B3GLCT: variants seen among roughly 807,000 people sequenced by gnomAD.
B3GLCT encodes the protein beta-1,3-glucosyltransferase.
B3GLCT carries 65 observed loss-of-function variants against 63.4 expected under a neutral mutation model. The observed-to-expected ratio is 1.03, with a 90% CI of 0.84 to 1.26. B3GLCT has a LOEUF of 1.26. Ranked by LOEUF, B3GLCT falls within the 50% of genes most tolerant of loss-of-function variation. The pLI is 0.00. For synonymous variants in B3GLCT, 233 were observed against 219.2 expected (o/e 1.06, Z -0.55); for missense variants, 577 against 604.8 (o/e 0.95, Z 0.48).
intron 6 of B3GLCT, among the ~76,000 whole-genome samples, chr13:31,249,863 C>G (rs1415942406): frequency 6.6e-6 from 1 of 152,050 alleles, no homozygotes; most frequent in Non-Finnish European, 1.5e-5. Flanking sequence ...ATAAAGCAAA[C>G]CTGGCTTTGA....
chr13:31,291,782 C>T (rs1302895721), intron 12 of B3GLCT, among the ~76,000 whole-genome samples: 4 of 152,198 alleles, frequency 2.6e-5, no homozygotes, highest in Non-Finnish European at 5.9e-5. Flanking sequence ...CTGACTTCCT[C>T]TCTTCCTATT....
At chr13:31,215,495 C>T (rs1869514244) in intron 2 of B3GLCT, among the ~76,000 whole-genome samples, 1 of 152,112 alleles carries the variant, frequency 6.6e-6, no homozygotes, top group Non-Finnish European at 1.5e-5. Flanking sequence ...ATCACTGCAA[C>T]CTCTGCCTCC....
chr13:31,294,709 T>G (rs942776296), intron 12 of B3GLCT, among the ~76,000 whole-genome samples: 7 of 152,094 alleles, frequency 4.6e-5, no homozygotes, highest in African/African-American at 7.2e-5. Context: ...GCAATTCGTC[T>G]AACCTTTTTT....
chr13:31,250,267 A>T (rs1871368648), intron 6 of B3GLCT, among the ~76,000 whole-genome samples: 1 of 152,094 alleles, frequency 6.6e-6, no homozygotes, highest in Non-Finnish European at 1.5e-5. Context: ...TCCACCTCCC[A>T]GGTTCAATCA....
intron 12 of B3GLCT, among the ~76,000 whole-genome samples, chr13:31,292,930 T>A (rs1287806403): frequency 6.6e-6 from 1 of 152,176 alleles, no homozygotes; most frequent in Non-Finnish European, 1.5e-5. Context: ...TTTCTCACCC[T>A]CTCCTGTGGG....
At chr13:31,225,464 A>G (rs758181704) in intron 3 of B3GLCT, among the ~76,000 whole-genome samples, 3 of 152,214 alleles carry the variant, frequency 2.0e-5, no homozygotes, top group Non-Finnish European at 4.4e-5. Context: ...TGGTACTGCT[A>G]TAAAGAACAG....
chr13:31,298,524 A>C (rs1874068510), intron 12 of B3GLCT, among the ~76,000 whole-genome samples: 1 of 152,208 alleles, frequency 6.6e-6, no homozygotes. Flanking sequence ...AGACAATGTC[A>C]TCTGTTTCTC....
intron 13 of B3GLCT, among the ~76,000 whole-genome samples, chr13:31,318,162 G>A (rs1875150314): frequency 6.6e-6 from 1 of 152,136 alleles, no homozygotes; most frequent in South Asian, 2.1e-4. Flanking sequence ...TTTAAATGAA[G>A]CATCTGCCTA....
intron 12 of B3GLCT, among the ~76,000 whole-genome samples, chr13:31,296,222 T>C (rs1873935465): frequency 1.3e-5 from 2 of 152,250 alleles, no homozygotes; most frequent in Non-Finnish European, 2.9e-5. Context: ...TGCATTGATC[T>C]CACTGGGAGC....
intron 4 of B3GLCT, 87 bp downstream of exon 4, chr13:31,229,381 A>G: frequency 1.2e-6 from 1 of 837,596 alleles, no homozygotes; most frequent in South Asian, 1.4e-5. Flanking sequence ...GTGGAGAATC[A>G]GTTTTTATTT....
At chr13:31,266,630 C>T (rs1164892608) in intron 7 of B3GLCT, among the ~76,000 whole-genome samples, 3 of 152,116 alleles carry the variant, frequency 2.0e-5, no homozygotes, top group African/African-American at 4.8e-5. Flanking sequence ...TGAGATGGCA[C>T]GTGAGGCTAA....
chr13:31,234,619 G>C (rs977837452), intron 4 of B3GLCT, among the ~76,000 whole-genome samples: 1 of 152,120 alleles, frequency 6.6e-6, no homozygotes, highest in Non-Finnish European at 1.5e-5. Flanking sequence ...CCAGCGGATG[G>C]GGGGTGGCAG....
At chr13:31,325,282 T>A (rs1253281871) in intron 14 of B3GLCT, among the ~76,000 whole-genome samples, 2 of 152,206 alleles carry the variant, frequency 1.3e-5, no homozygotes, top group Non-Finnish European at 2.9e-5. Flanking sequence ...TCTTACCCAC[T>A]TTAAGCCTGT....
intron 12 of B3GLCT, among the ~76,000 whole-genome samples, chr13:31,316,404 GTT>G (rs756984915): frequency 2.4e-5 from 1 of 41,712 alleles, no homozygotes; most frequent in African/African-American, 7.6e-5. Context: ...GATTTTGGAG[GTT>G]TTATATATAT....
Position 31,225,935 on chromosome 13 carries a change from G to A in B3GLCT, c.160+2944G>A, listed in dbSNP as rs994301351. ...GATTTGTCTTAACGGATCTGCCTCC[G>A]TTTCTAACTTTATCACCTACTGTAC... On this transcript the variant is annotated intron_variant, in intron 3 of 14. Transcript: ENST00000343307. 1.1e-4 allele frequency among the ~76,000 whole-genome samples: 17 copies of A among 152,060 alleles called. No homozygotes were observed. In the East Asian group the frequency reaches 2.7e-3, roughly 24 times the overall value.
At chr13:31,243,988 C>T (rs936872542) in intron 4 of B3GLCT, among the ~76,000 whole-genome samples, 9 of 152,086 alleles carry the variant, frequency 5.9e-5, no homozygotes, top group African/African-American at 9.7e-5. Context: ...ATCTCATTAT[C>T]GAGAGAATTT....
At position 31,260,838 on chromosome 13, in the gene B3GLCT, CTT is replaced by C. The variant is rs1206130762; in HGVS notation, c.460-106_460-105del. 1.9e-5 allele frequency: 20 copies of C among 1,053,974 alleles called. No individual in the cohort carries two copies. The East Asian group carries it at 4.5e-4, about 24-fold the overall frequency. 65.3% of individuals were successfully genotyped at this position (1,053,974 alleles called of 1,614,324 possible). On this transcript the variant is annotated intron_variant, in intron 6 of 14. Coordinates refer to ENST00000343307, the MANE Select transcript of B3GLCT (RefSeq NM_194318.4). ...AAATATTTAATCTGTGCTAATAACT[CTT>C]TATCACCCAAAATATTTAATTATCT... is the stretch of plus-strand genomic sequence containing the variant.
At chr13:31,255,744 A>G (rs1269179752) in intron 6 of B3GLCT, among the ~76,000 whole-genome samples, 1 of 152,216 alleles carries the variant, frequency 6.6e-6, no homozygotes, top group African/African-American at 2.4e-5. Flanking sequence ...CTGGCTGGGC[A>G]TATGCAGAAG....
intron 4 of B3GLCT, among the ~76,000 whole-genome samples, chr13:31,235,158 A>C (rs1020160231): frequency 6.6e-6 from 1 of 152,064 alleles, no homozygotes; most frequent in Non-Finnish European, 1.5e-5. Context: ...AATGGCAGGG[A>C]CGCTTCCAGC....
Sources: gnomAD v4.1 joint callset for allele counts (sites outside exome capture counted in the v4.1 genomes callset) on GRCh38, gnomAD v4.1.1 for gene constraint, MANE v1.5 for transcripts, NCBI Gene and HGNC (gene_info 2026-07-23, HGNC 2026-07-21) for gene names.